CCSER2: variants seen among roughly 807,000 people sequenced by gnomAD.
CCSER2 encodes the protein coiled-coil serine rich protein 2, also known as serine-rich coiled-coil domain-containing protein 2.
In CCSER2, 46 loss-of-function variants were observed where a neutral mutation model predicts 92.3. The observed-to-expected ratio is 0.50, with a 90% CI of 0.39 to 0.64. The LOEUF (loss-of-function observed/expected upper bound fraction) is 0.64. CCSER2 is among the 30% of genes least tolerant of loss of function. The pLI, the probability that CCSER2 is intolerant of heterozygous loss-of-function variation, is 0.00. For synonymous variants in CCSER2, 433 were observed against 431.4 expected (o/e 1.00, Z -0.04); for missense variants, 1,244 against 1,238.9 (o/e 1.00, Z -0.06).
intron 5 of CCSER2, among the ~76,000 whole-genome samples, chr10:84,427,230 C>G (rs1843482602): frequency 6.6e-6 from 1 of 152,106 alleles, no homozygotes; most frequent in Non-Finnish European, 1.5e-5. Flanking sequence ...AACAATTGGG[C>G]TGAGGTACAC....
chr10:84,458,182 A>C (rs1190387624), intron 6 of CCSER2, among the ~76,000 whole-genome samples: 1 of 152,164 alleles, frequency 6.6e-6, no homozygotes, highest in Non-Finnish European at 1.5e-5. Context: ...TTTAAGTTTG[A>C]AACTTAGGTG....
chr10:84,336,611 C>T (rs546516353), intron 1 of CCSER2, among the ~76,000 whole-genome samples: 19 of 152,206 alleles, frequency 1.2e-4, no homozygotes, highest in African/African-American at 4.1e-4. Context: ...CTAGGAGTGG[C>T]AAGTAGGCCA....
chr10:84,416,444 T>C (rs1842890882), intron 3 of CCSER2, among the ~76,000 whole-genome samples: 1 of 152,220 alleles, frequency 6.6e-6, no homozygotes, highest in Non-Finnish European at 1.5e-5. Context: ...TGTCAAACAT[T>C]CTGCAATGGA....
At chr10:84,389,268 T>C (rs1416087200) in intron 3 of CCSER2, 2 of 505,300 alleles carry the variant, frequency 4.0e-6, no homozygotes, top group Non-Finnish European at 7.8e-6. Flanking sequence ...GTCCCCAGGA[T>C]CTCTTTAATC....
chr10:84,368,016 G>C (rs1284079346), intron 1 of CCSER2, among the ~76,000 whole-genome samples: 2 of 152,020 alleles, frequency 1.3e-5, no homozygotes, highest in Non-Finnish European at 2.9e-5. Flanking sequence ...ATTTCATACT[G>C]CTGAGGGTAC....
At chr10:84,461,764 A>T in intron 6 of CCSER2, among the ~76,000 whole-genome samples, 1 of 148,062 alleles carries the variant, frequency 6.8e-6, no homozygotes, top group Non-Finnish European at 1.5e-5. Context: ...TTCCAGTTCT[A>T]CCTTCTGTGT....
intron 8 of CCSER2, among the ~76,000 whole-genome samples, chr10:84,475,642 T>C (rs1253218114): frequency 1.3e-5 from 2 of 152,186 alleles, no homozygotes; most frequent in Non-Finnish European, 2.9e-5. Context: ...TTTATCCAGG[T>C]GTGACCCCAT....
At chr10:84,424,961 C>CT (rs1269617055) in intron 4 of CCSER2, 1 of 983,938 alleles carries the variant, frequency 1.0e-6, no homozygotes, top group African/African-American at 1.7e-5. Flanking sequence ...ACAACTATGT[C>CT]TGAGTAGGCA....
chr10:84,355,502 A>G (rs928202637), intron 1 of CCSER2, among the ~76,000 whole-genome samples: 1 of 151,980 alleles, frequency 6.6e-6, no homozygotes, highest in African/African-American at 2.4e-5. Flanking sequence ...CCAGTTAAGC[A>G]CTTTCTTTTT....
At chr10:84,477,109 G>T (rs1163909429) in intron 8 of CCSER2, among the ~76,000 whole-genome samples, 1 of 152,054 alleles carries the variant, frequency 6.6e-6, no homozygotes, top group Non-Finnish European at 1.5e-5. Flanking sequence ...TTCTGCAGTT[G>T]TATTCTTTAT....
At chr10:84,491,024 G>T (rs112745886) in intron 9 of CCSER2, among the ~76,000 whole-genome samples, 1 of 152,226 alleles carries the variant, frequency 6.6e-6, no homozygotes, top group Non-Finnish European at 1.5e-5. Context: ...CTGTTTGCCT[G>T]GGTATCAGCA....
At chr10:84,436,100 C>T (rs1452935598) in intron 5 of CCSER2, among the ~76,000 whole-genome samples, 3 of 151,902 alleles carry the variant, frequency 2.0e-5, no homozygotes, top group Middle Eastern at 3.2e-3. Flanking sequence ...GAGGGCGAGG[C>T]GGGCGAATCA....
intron 6 of CCSER2, among the ~76,000 whole-genome samples, chr10:84,454,417 G>A (rs1441389872): frequency 1.3e-5 from 2 of 152,050 alleles, no homozygotes; most frequent in Admixed American, 6.6e-5. Flanking sequence ...TTTCTAGGGG[G>A]TACATCATTC....
chr10:84,425,244 A>C, intron 4 of CCSER2: 1 of 757,976 alleles, frequency 1.3e-6, no homozygotes, highest in Non-Finnish European at 1.6e-6. Context: ...TAATTTTAAA[A>C]GTGTGATTTG....
At chr10:84,501,834 A>AATATATATATATATATATAT (rs1554868293) in intron 9 of CCSER2, among the ~76,000 whole-genome samples, 1 of 40,174 alleles carries the variant, frequency 2.5e-5, no homozygotes, top group Non-Finnish European at 8.1e-5. Flanking sequence ...AAAAAAAAAA[A>AATATATATATATATATATAT]ATATATATAT....
chr10:84,419,353 C>A (rs554626861), intron 4 of CCSER2, among the ~76,000 whole-genome samples: 3 of 106,110 alleles, frequency 2.8e-5, no homozygotes, highest in East Asian at 5.7e-4. Context: ...CAGCTCCCTT[C>A]TCAAAAAAAA....
rs56977232 is a variant in CCSER2 at position 84,385,004 on chromosome 10, A to AACACACAC, written c.1614+11212_1614+11219dup. On this transcript the variant is annotated intron_variant, in intron 3 of 9. Transcript: ENST00000372088. Reference sequence around the variant, plus strand: ...TGAGAGCTGAAATCAATTTACAATAAACACACACACACACACACACACACA... The same window carrying AACACACAC: ...TGAGAGCTGAAATCAATTTACAATAAACACACACACACACACACACACACACACACACA... Among the ~76,000 whole-genome samples the AACACACAC allele has an allele frequency of 9.5e-3, 1,379 of 145,870 alleles. 15 individuals carry two copies. The highest frequency in any genetic ancestry group is 0.019 in the African/African-American group (767 of 39,518).
At chr10:84,483,953 TTATATATATA>T (rs57427963) in intron 9 of CCSER2, among the ~76,000 whole-genome samples, 3,138 of 47,676 alleles carry the variant, frequency 0.066, 106 homozygotes, top group South Asian at 0.13. Context: ...CCCGGCTAAT[TTATATATATA>T]TATATATATA....
At chr10:84,339,851 AT>A (rs377438949) in intron 1 of CCSER2, among the ~76,000 whole-genome samples, 1 of 137,604 alleles carries the variant, frequency 7.3e-6, no homozygotes, top group Non-Finnish European at 1.6e-5. Context: ...TTATTTTTTT[AT>A]TTTTTTGAGA....
Sources: allele counts gnomAD v4.1 joint callset (sites outside exome capture counted in the v4.1 genomes callset), GRCh38; gene constraint gnomAD v4.1.1; transcripts MANE v1.5; gene names NCBI Gene and HGNC (gene_info 2026-07-23, HGNC 2026-07-21).